Variants in KDM4C observed in about 807,000 individuals in gnomAD.
KDM4C encodes the protein lysine demethylase 4C.
Under a neutral mutation model 129.3 loss-of-function variants are expected in KDM4C, and 81 were observed. The ratio of observed to expected loss-of-function variants is 0.63; its 90% CI spans 0.52 to 0.75. KDM4C has a LOEUF of 0.75. KDM4C is among the 30% of genes least tolerant of loss of function. KDM4C has a pLI of 0.00. For missense variants in KDM4C, 1,457 were observed against 1,304.0 expected, an observed-to-expected ratio of 1.12 and a Z score of -1.81; for synonymous variants, 573 against 456.1, an observed-to-expected ratio of 1.26 and a Z score of -3.26.
intron 17 of KDM4C, among the ~76,000 whole-genome samples, chr9:7,090,834 C>A (rs1479644114): frequency 6.6e-6 from 1 of 152,154 alleles, no homozygotes; most frequent in Non-Finnish European, 1.5e-5. Flanking sequence ...CTGTCACTTT[C>A]AAAAATAGGC....
rs1588460405 is a variant in KDM4C at position 6,814,709 on chromosome 9, C to G, written c.399C>G (p.Ile133Met). ...YWKNLTFVAP[I>M]YGADINGSIY... ...AGAACTTAACTTTTGTGGCACCTAT[C>G]TATGGTGCAGATATTAATGGGAGCA... is the stretch of plus-strand genomic sequence containing the variant. The change falls in exon 4 of 22, where the codon ATC becomes ATG. Residue 133 changes from isoleucine (I) to methionine (M), a missense_variant. Physicochemically the swap from Ile to Met is conservative, Grantham distance 10 (BLOSUM62 1). Coordinates refer to ENST00000381309, the MANE Select transcript of KDM4C (RefSeq NM_015061.6). The G allele has an allele frequency of 2.5e-6, 4 of 1,609,572 alleles. No individual in the cohort carries two copies. Among genetic ancestry groups the G allele is most frequent in the East Asian group, 4.5e-5 (2 of 44,732 alleles).
chr9:6,738,885 G>C (rs144990272), intron 1 of KDM4C, among the ~76,000 whole-genome samples: 6 of 150,514 alleles, frequency 4.0e-5, no homozygotes, highest in African/African-American at 1.2e-4. Context: ...ACGCCTGGCC[G>C]CCCAGCTAAT....
chr9:6,739,782 G>A (rs764315695), intron 1 of KDM4C, among the ~76,000 whole-genome samples: 1 of 151,950 alleles, frequency 6.6e-6, no homozygotes, highest in African/African-American at 2.4e-5. Flanking sequence ...GGATTGCTAG[G>A]AGTTCGAGAC....
chr9:7,174,414 C>T (rs1845257012), intron 21 of KDM4C, 139 bp from the exon 22 acceptor site: 2 of 706,308 alleles, frequency 2.8e-6, no homozygotes. Context: ...AGCCCAAAGC[C>T]ATGCCTGGGG....
At position 7,168,518 on chromosome 9, in the gene KDM4C, AT is replaced by A. The variant is rs567812256; in HGVS notation, c.2902-1279del. Among the ~76,000 whole-genome samples the A allele has an allele frequency of 7.8e-4, 119 of 152,292 alleles. 1 individual carries two copies. The highest frequency in any genetic ancestry group is 7.1e-3 in the Admixed American group (108 of 15,292). On this transcript the variant is annotated intron_variant, in intron 20 of 21. Coordinates refer to ENST00000381309, the MANE Select transcript of KDM4C (RefSeq NM_015061.6). ...TGTTATTTACCTTTTCTTTGACAAA[AT>A]CTTTTAAAATGTTAAAAACAATTGG...
intron 4 of KDM4C, among the ~76,000 whole-genome samples, chr9:6,820,831 A>G (rs1832904514): frequency 6.6e-6 from 1 of 150,840 alleles, no homozygotes; most frequent in South Asian, 2.1e-4. Context: ...TCAACTCATC[A>G]TTCACAGTAG....
chr9:7,076,644 C>G, intron 17 of KDM4C: 1 of 1,325,440 alleles, frequency 7.5e-7, no homozygotes, highest in Non-Finnish European at 9.6e-7. Flanking sequence ...CCTGGACTTT[C>G]CCTTTTGTAT....
chr9:6,984,089 A>G, intron 9 of KDM4C, 77 bp from the exon 10 acceptor site: 1 of 875,572 alleles, frequency 1.1e-6, no homozygotes, highest in South Asian at 1.6e-5. Context: ...GCAAGTGAAA[A>G]TGACATTTAT....
intron 19 of KDM4C, among the ~76,000 whole-genome samples, chr9:7,136,735 T>C (rs972579394): frequency 6.6e-6 from 1 of 152,200 alleles, no homozygotes; most frequent in African/African-American, 2.4e-5. Context: ...CTTTATCAGA[T>C]CTTTGATTTA....
intron 4 of KDM4C, among the ~76,000 whole-genome samples, chr9:6,827,955 A>C (rs181329815): frequency 1.5e-3 from 236 of 152,308 alleles, no homozygotes; most frequent in African/African-American, 5.5e-3. Flanking sequence ...TATTGGTCAC[A>C]TTGCATCCAG....
intron 17 of KDM4C, among the ~76,000 whole-genome samples, chr9:7,094,587 A>G (rs890938210): frequency 6.6e-6 from 1 of 152,080 alleles, no homozygotes; most frequent in Non-Finnish European, 1.5e-5. Context: ...GCTACAGGAG[A>G]AGGGATGGGC....
intron 1 of KDM4C, among the ~76,000 whole-genome samples, chr9:6,759,599 C>G (rs976580444): frequency 6.6e-6 from 1 of 152,136 alleles, no homozygotes; most frequent in African/African-American, 2.4e-5. Context: ...TAATACAGTA[C>G]AATTTAAACC....
chr9:7,084,202 G>C (rs770974167), intron 17 of KDM4C, among the ~76,000 whole-genome samples: 2 of 152,126 alleles, frequency 1.3e-5, no homozygotes, highest in African/African-American at 2.4e-5. Context: ...CCACTACTCA[G>C]CTGAAGCTTT....
In KDM4C at chr9:6,834,603, A is replaced by G; in HGVS notation, c.436-14904A>G. The G allele has an allele frequency of 4.0e-6, 3 of 749,976 alleles. No homozygotes were observed. In the South Asian group the frequency reaches 4.3e-5, roughly 11 times the overall value. 46.5% of individuals were successfully genotyped at this position (749,976 alleles called of 1,614,324 possible). A position where few individuals can be genotyped will look rare whatever the true frequency, so the allele number is the denominator to read the frequency against. The stretch of plus-strand genomic sequence containing the variant: ...GGCATGATGGTGGGCATGGGTCGGA[A>G]GGACTCCCATGTGGGCGACGAGGCC... On this transcript the variant is annotated intron_variant, in intron 4 of 21. Coordinates refer to ENST00000381309, the MANE Select transcript of KDM4C (RefSeq NM_015061.6).
At chr9:6,817,133 T>G (rs1224182555) in intron 4 of KDM4C, among the ~76,000 whole-genome samples, 1 of 151,674 alleles carries the variant, frequency 6.6e-6, no homozygotes, top group Non-Finnish European at 1.5e-5. Flanking sequence ...GATTTGTTTT[T>G]CAGTTACTTA....
At chr9:6,743,940 G>T (rs537932440) in intron 1 of KDM4C, among the ~76,000 whole-genome samples, 34 of 150,510 alleles carry the variant, frequency 2.3e-4, no homozygotes, top group Admixed American at 4.6e-4. Context: ...TTGAAATAAG[G>T]TCTCGCTATG....
At chr9:7,099,384 C>T (rs1159009508) in intron 17 of KDM4C, among the ~76,000 whole-genome samples, 1 of 152,190 alleles carries the variant, frequency 6.6e-6, no homozygotes, top group Non-Finnish European at 1.5e-5. Flanking sequence ...TTGCCAGATA[C>T]TTCATTACTT....
intron 17 of KDM4C, among the ~76,000 whole-genome samples, chr9:7,086,371 C>T (rs938188970): frequency 6.6e-6 from 1 of 152,196 alleles, no homozygotes; most frequent in African/African-American, 2.4e-5. Context: ...AGTTATTACT[C>T]TGTTGAGTAA....
chr9:7,122,265 A>ACACACACT (rs375655422), intron 18 of KDM4C, among the ~76,000 whole-genome samples: 2,596 of 144,738 alleles, frequency 0.018, 53 homozygotes, highest in East Asian at 0.088. Context: ...ACACACACAC[A>ACACACACT]CTCTCTCTCT....
Sources: gnomAD v4.1 joint callset for allele counts (sites outside exome capture counted in the v4.1 genomes callset) on GRCh38, gnomAD v4.1.1 for gene constraint, MANE v1.5 for transcripts, NCBI Gene and HGNC (gene_info 2026-07-23, HGNC 2026-07-21) for gene names.